Variants in FHIT observed in about 807,000 individuals in gnomAD.
The protein encoded by FHIT is fragile histidine triad diadenosine triphosphatase.
In FHIT, 19 loss-of-function variants were observed where a neutral mutation model predicts 17.9. The ratio of observed to expected loss-of-function variants is 1.06; its 90% CI spans 0.74 to 1.56. The LOEUF (loss-of-function observed/expected upper bound fraction) is 1.56, where lower values mean the gene tolerates loss of function less well. FHIT is among the 40% of genes most tolerant of loss of function. The probability of loss-of-function intolerance (pLI) is 0.00; values close to 1 mark genes in which losing one functional copy is unlikely to be tolerated. For missense variants in FHIT, 248 were observed against 189.2 expected (o/e 1.31, Z -1.82); for synonymous variants, 81 against 69.7 (o/e 1.16, Z -0.81).
intron 1 of FHIT, among the ~76,000 whole-genome samples, chr3:61,245,751 T>C (rs1457015723): frequency 6.6e-6 from 1 of 152,198 alleles, no homozygotes; most frequent in African/African-American, 2.4e-5. Context: ...TTTTGAAATA[T>C]GTATCCCATG....
chr3:60,247,334 G>T (rs1396548165), intron 5 of FHIT, among the ~76,000 whole-genome samples: 4 of 151,364 alleles, frequency 2.6e-5, no homozygotes, highest in African/African-American at 9.7e-5. Context: ...GGCCAGCCTG[G>T]GCAAATATCA....
intron 1 of FHIT, among the ~76,000 whole-genome samples, chr3:61,247,300 C>G (rs371355471): frequency 1.3e-5 from 2 of 152,160 alleles, no homozygotes; most frequent in African/African-American, 2.4e-5. Context: ...ACCTCCTTAT[C>G]GTAACCTCAT....
chr3:61,215,301 G>A (rs9848948), intron 1 of FHIT, among the ~76,000 whole-genome samples: 57,794 of 148,978 alleles, frequency 0.39, 11,727 homozygotes, highest in East Asian at 0.52. Flanking sequence ...CTGATAAGCA[G>A]CTTCAGCAAA....
At chr3:60,906,951 T>G (rs1459588065) in intron 3 of FHIT, among the ~76,000 whole-genome samples, 1 of 152,080 alleles carries the variant, frequency 6.6e-6, no homozygotes, top group Non-Finnish European at 1.5e-5. Context: ...GAAACAGAGG[T>G]GGAGACCTCT....
At chr3:59,830,993 T>C (rs1485725) in intron 8 of FHIT, among the ~76,000 whole-genome samples, 25,679 of 152,096 alleles carry the variant, frequency 0.17, 2,900 homozygotes, top group African/African-American at 0.33. Flanking sequence ...CAAAGAAACA[T>C]TGCTTTGGGC....
chr3:61,148,517 T>A (rs2037292422), intron 2 of FHIT, among the ~76,000 whole-genome samples: 1 of 152,154 alleles, frequency 6.6e-6, no homozygotes, highest in Admixed American at 6.5e-5. Context: ...TGCATCCATA[T>A]TGTATATATT....
At chr3:60,070,734 T>C (rs1702730971) in intron 5 of FHIT, among the ~76,000 whole-genome samples, 1 of 152,180 alleles carries the variant, frequency 6.6e-6, no homozygotes, top group Non-Finnish European at 1.5e-5. Flanking sequence ...AAGGATATAG[T>C]CCATGAGACA....
intron 3 of FHIT, among the ~76,000 whole-genome samples, chr3:61,019,886 T>C (rs969017975): frequency 2.0e-5 from 3 of 152,172 alleles, no homozygotes; most frequent in Non-Finnish European, 2.9e-5. Context: ...TTAATTATAC[T>C]TTAAGTTCTG....
chr3:60,231,950 C>T (rs896533854), intron 5 of FHIT, among the ~76,000 whole-genome samples: 4 of 152,058 alleles, frequency 2.6e-5, no homozygotes, highest in African/African-American at 9.7e-5. Flanking sequence ...AGACAGGGAG[C>T]ATAAAATAAG....
At chr3:59,967,923 T>A (rs1408595903) in intron 7 of FHIT, among the ~76,000 whole-genome samples, 2 of 151,116 alleles carry the variant, frequency 1.3e-5, no homozygotes, top group East Asian at 3.9e-4. Flanking sequence ...AAATGGAAAA[T>A]GAAGGAATTA....
At chr3:60,752,579 G>T (rs554707518) in intron 4 of FHIT, among the ~76,000 whole-genome samples, 1 of 152,248 alleles carries the variant, frequency 6.6e-6, no homozygotes, top group African/African-American at 2.4e-5. Flanking sequence ...TTTATTTTGT[G>T]AACAATTCGA....
chr3:60,587,203 G>C (rs1009917925), intron 4 of FHIT, among the ~76,000 whole-genome samples: 10 of 151,990 alleles, frequency 6.6e-5, no homozygotes, highest in Admixed American at 3.9e-4. Context: ...CATTTGCAGG[G>C]ACGTGGATGA....
chr3:61,197,360 A>G (rs1170403336), intron 2 of FHIT, among the ~76,000 whole-genome samples: 2 of 152,252 alleles, frequency 1.3e-5, no homozygotes, highest in African/African-American at 2.4e-5. Context: ...CAAATGGCAG[A>G]GCCAAAACTA....
At chr3:60,152,784 C>T (rs1277851089) in intron 5 of FHIT, among the ~76,000 whole-genome samples, 2 of 152,174 alleles carry the variant, frequency 1.3e-5, no homozygotes, top group African/African-American at 2.4e-5. Context: ...TTCATTTGCA[C>T]CCCTGCCCAT....
intron 4 of FHIT, among the ~76,000 whole-genome samples, chr3:60,738,841 C>T (rs2042185572): frequency 1.3e-5 from 2 of 152,192 alleles, no homozygotes; most frequent in East Asian, 3.9e-4. Flanking sequence ...AGCCTGGAGA[C>T]CTGCGGCCCC....
chr3:61,087,697 A>G (rs1168640726), intron 2 of FHIT, among the ~76,000 whole-genome samples: 3 of 152,096 alleles, frequency 2.0e-5, no homozygotes, highest in Non-Finnish European at 4.4e-5. Context: ...ACACAGATGT[A>G]CACACACACA....
intron 3 of FHIT, among the ~76,000 whole-genome samples, chr3:61,033,520 A>C (rs1043843987): frequency 2.0e-5 from 3 of 152,228 alleles, no homozygotes; most frequent in African/African-American, 7.2e-5. Context: ...TATTAGAATT[A>C]ATCTCATCTG....
intron 4 of FHIT, among the ~76,000 whole-genome samples, chr3:60,615,811 C>T (rs2038934088): frequency 6.6e-6 from 1 of 152,206 alleles, no homozygotes; most frequent in Non-Finnish European, 1.5e-5. Flanking sequence ...CATCTAAGCT[C>T]TCTGCATTGC....
intron 5 of FHIT, among the ~76,000 whole-genome samples, chr3:60,070,823 T>C (rs1343328089): frequency 6.6e-6 from 1 of 152,208 alleles, no homozygotes. Flanking sequence ...TTCCTTAATA[T>C]CTTTCTTCAA....
Sources: allele counts gnomAD v4.1 joint callset (sites outside exome capture counted in the v4.1 genomes callset), GRCh38; gene constraint gnomAD v4.1.1; transcripts MANE v1.5; gene names NCBI Gene and HGNC (gene_info 2026-07-23, HGNC 2026-07-21).